Variants in DCC observed in about 807,000 individuals in gnomAD.
DCC encodes netrin receptor DCC.
Under a neutral mutation model 172.5 loss-of-function variants are expected in DCC, and 58 were observed. The observed-to-expected ratio is 0.34, with a 90% confidence interval of 0.27 to 0.42. The LOEUF (loss-of-function observed/expected upper bound fraction) is 0.42, where lower values mean the gene tolerates loss of function less well. Among genes scored for constraint, DCC ranks in the 10% least tolerant of loss-of-function variants. DCC has a pLI of 1.00. For synonymous variants in DCC, 709 were observed against 644.5 expected, an observed-to-expected ratio of 1.10 and a Z score of -1.52; for missense variants, 1,740 against 1,791.0, an observed-to-expected ratio of 0.97 and a Z score of 0.51.
chr18:53,141,342 G>T (rs925844414), intron 7 of DCC, among the ~76,000 whole-genome samples: 2 of 152,260 alleles, frequency 1.3e-5, no homozygotes, highest in South Asian at 2.1e-4. Context: ...GAGCCAATAC[G>T]TATGAAACAA....
intron 1 of DCC, among the ~76,000 whole-genome samples, chr18:52,523,203 T>G (rs1598885721): frequency 6.6e-6 from 1 of 152,144 alleles, no homozygotes; most frequent in East Asian, 1.9e-4. Context: ...GCATCTCAAC[T>G]TTATATAAGA....
Position 53,145,038 on chromosome 18 carries a change from T to G in DCC, c.1262-12318T>G, listed in dbSNP as rs1333054229. ...TCCCTCTAAAATTCATGTTGAAACTTAATCCCCATTGTGGTGGTATTAAGT... is the reference window on the plus strand; with the variant it reads ...TCCCTCTAAAATTCATGTTGAAACTGAATCCCCATTGTGGTGGTATTAAGT... On this transcript the variant is annotated intron_variant, in intron 7 of 28. Coordinates refer to ENST00000442544, the MANE Select transcript of DCC (RefSeq NM_005215.4). 1.8e-4 allele frequency among the ~76,000 whole-genome samples: 27 copies of G among 151,008 alleles called. 1 individual carries two copies. Among genetic ancestry groups the G allele is most frequent in the Non-Finnish European group, 4.4e-5 (3 of 67,710 alleles).
intron 1 of DCC, among the ~76,000 whole-genome samples, chr18:52,623,629 C>T (rs947064085): frequency 2.0e-5 from 3 of 152,148 alleles, no homozygotes; most frequent in African/African-American, 4.8e-5. Flanking sequence ...CAGTTCATAA[C>T]GGGATTACAT....
chr18:53,284,073 A>C (rs972002544), intron 12 of DCC, among the ~76,000 whole-genome samples: 63 of 152,182 alleles, frequency 4.1e-4, no homozygotes, highest in African/African-American at 1.5e-3. Flanking sequence ...TTTTATGCTG[A>C]GATTAACCAT....
At chr18:52,356,378 G>T (rs1466683921) in intron 1 of DCC, among the ~76,000 whole-genome samples, 2 of 151,822 alleles carry the variant, frequency 1.3e-5, no homozygotes, top group Non-Finnish European at 1.5e-5. Context: ...AGAAAACTTT[G>T]GTTCAGGATG....
chr18:53,320,070 C>CT (rs35150045), intron 13 of DCC, among the ~76,000 whole-genome samples: 15,741 of 109,580 alleles, frequency 0.14, 1,386 homozygotes, highest in East Asian at 0.24. Context: ...CGCAAGAGTA[C>CT]TTTTTTTTTT....
intron 2 of DCC, among the ~76,000 whole-genome samples, chr18:52,793,163 C>T (rs1357779798): frequency 6.6e-6 from 1 of 152,180 alleles, no homozygotes; most frequent in African/African-American, 2.4e-5. Context: ...TTACATAGCC[C>T]ATGGGGAAGG....
intron 15 of DCC, among the ~76,000 whole-genome samples, chr18:53,378,693 C>T (rs1475688414): frequency 1.3e-5 from 2 of 152,184 alleles, no homozygotes; most frequent in African/African-American, 4.8e-5. Flanking sequence ...ACATTTCTCA[C>T]TAAGCATGTT....
intron 12 of DCC, among the ~76,000 whole-genome samples, chr18:53,239,585 G>A (rs1017957339): frequency 3.3e-5 from 5 of 152,042 alleles, no homozygotes; most frequent in African/African-American, 9.7e-5. Flanking sequence ...TACATCACTG[G>A]GCCCTTTGAT....
intron 8 of DCC, among the ~76,000 whole-genome samples, chr18:53,167,499 G>A (rs192684798): frequency 1.1e-3 from 171 of 152,224 alleles, no homozygotes; most frequent in African/African-American, 4.0e-3. Context: ...GAAATAAATG[G>A]GGATGGAACA....
chr18:52,342,066 A>T (rs1275562878), intron 1 of DCC, among the ~76,000 whole-genome samples: 1 of 152,156 alleles, frequency 6.6e-6, no homozygotes, highest in Non-Finnish European at 1.5e-5. Context: ...TTCTCTGCTA[A>T]GTGCTGCATG....
At chr18:52,664,833 G>A (rs553862621) in intron 1 of DCC, among the ~76,000 whole-genome samples, 2 of 152,000 alleles carry the variant, frequency 1.3e-5, no homozygotes, top group African/African-American at 2.4e-5. Flanking sequence ...TATATGATGC[G>A]GCCATTAATT....
intron 2 of DCC, among the ~76,000 whole-genome samples, chr18:52,828,328 T>A (rs1472726455): frequency 6.6e-6 from 1 of 152,180 alleles, no homozygotes; most frequent in African/African-American, 2.4e-5. Flanking sequence ...TATTGAGACC[T>A]GATTAGGTTC....
chr18:53,084,071 G>T (rs2042843833), intron 7 of DCC, among the ~76,000 whole-genome samples: 1 of 152,110 alleles, frequency 6.6e-6, no homozygotes, highest in Non-Finnish European at 1.5e-5. Flanking sequence ...TTTTAAAAAG[G>T]AATTCAATTC....
At chr18:52,502,370 G>C (rs1178364453) in intron 1 of DCC, among the ~76,000 whole-genome samples, 3 of 152,120 alleles carry the variant, frequency 2.0e-5, no homozygotes, top group Non-Finnish European at 4.4e-5. Context: ...CCTTGGGGTG[G>C]ATGTTCATTT....
chr18:53,517,926 C>T (rs1009758101), intron 27 of DCC, among the ~76,000 whole-genome samples: 1 of 152,112 alleles, frequency 6.6e-6, no homozygotes, highest in Non-Finnish European at 1.5e-5. Flanking sequence ...TGCGGCTACT[C>T]TCTTTTTGTT....
chr18:53,373,797 C>G (rs957099843), intron 15 of DCC, among the ~76,000 whole-genome samples: 2 of 152,108 alleles, frequency 1.3e-5, no homozygotes, highest in East Asian at 1.9e-4. Context: ...AATCTTATTG[C>G]CATTGCCATG....
intron 2 of DCC, among the ~76,000 whole-genome samples, chr18:52,770,631 A>C (rs1385451164): frequency 6.6e-6 from 1 of 152,178 alleles, no homozygotes; most frequent in Non-Finnish European, 1.5e-5. Flanking sequence ...TGGAATCATC[A>C]GAACTGCAGA....
intron 15 of DCC, among the ~76,000 whole-genome samples, chr18:53,369,947 T>C (rs1032976907): frequency 2.6e-5 from 4 of 151,964 alleles, no homozygotes; most frequent in African/African-American, 7.2e-5. Context: ...TGTCTGACTT[T>C]GGTAATAGGA....
Sources: gnomAD v4.1 joint callset for allele counts (sites outside exome capture counted in the v4.1 genomes callset) on GRCh38, gnomAD v4.1.1 for gene constraint, MANE v1.5 for transcripts, NCBI Gene and HGNC (gene_info 2026-07-23, HGNC 2026-07-21) for gene names.